Variants in SVEP1 observed in about 807,000 individuals in gnomAD.
SVEP1 encodes sushi, von Willebrand factor type A, EGF and pentraxin domain-containing protein 1.
SVEP1 carries 164 observed loss-of-function variants against 367.3 expected under a neutral mutation model. The ratio of observed to expected loss-of-function variants is 0.45; its 90% CI spans 0.39 to 0.51. The LOEUF (loss-of-function observed/expected upper bound fraction) is 0.51, where lower values mean the gene tolerates loss of function less well. SVEP1 is among the 20% of genes least tolerant of loss of function. SVEP1 has a pLI of 0.00. For synonymous variants in SVEP1, 1,666 were observed against 1,611.6 expected, an observed-to-expected ratio of 1.03 and a Z score of -0.81; for missense variants, 4,117 against 4,425.3, an observed-to-expected ratio of 0.93 and a Z score of 1.98.
At chr9:110,429,650 A>G (rs1247233906) in intron 34 of SVEP1, among the ~76,000 whole-genome samples, 1 of 152,178 alleles carries the variant, frequency 6.6e-6, no homozygotes, top group African/African-American at 2.4e-5. Context: ...AAGAGTATTC[A>G]TTAGCTAGGA....
intron 45 of SVEP1, chr9:110,376,982 A>G: frequency 3.6e-6 from 1 of 276,308 alleles, no homozygotes; most frequent in Non-Finnish European, 7.0e-6. Flanking sequence ...GGAAGAGGAT[A>G]GCTTGGAGAC....
In SVEP1 at chr9:110,366,234, T is replaced by G; in HGVS notation, c.*305A>C. 3.3e-6 allele frequency: 1 copy of G among 298,536 alleles called. No homozygotes were observed. Among genetic ancestry groups the G allele is most frequent in the Non-Finnish European group, 6.1e-6 (1 of 164,728 alleles). 18.5% of individuals were successfully genotyped at this position (298,536 alleles called of 1,614,324 possible). On this transcript the variant is annotated 3_prime_UTR_variant, in exon 48 of 48. Transcript: ENST00000374469. Reference sequence around the variant, plus strand: ...ATCATTTTAAGTAACTGAATAAAAATGTGTACCAGGAACTTTCCCAATAGA... The same window carrying G: ...ATCATTTTAAGTAACTGAATAAAAAGGTGTACCAGGAACTTTCCCAATAGA...
At chr9:110,555,122 G>A (rs1267280198) in intron 1 of SVEP1, among the ~76,000 whole-genome samples, 3 of 151,672 alleles carry the variant, frequency 2.0e-5, no homozygotes, top group Non-Finnish European at 4.4e-5. Flanking sequence ...CTAAGCTTGT[G>A]CTCATTTTGA....
Position 110,434,523 on chromosome 9 carries a change from C to T in SVEP1, c.4889-17G>A. ...GTGGGCAATCTGAGGGCAAAGAACA[C>T]AGGTGCAGAGCTTGTCAGCGGCATA... On this transcript the variant is annotated splice_polypyrimidine_tract_variant and intron_variant, in intron 29 of 47. Coordinates refer to ENST00000374469, the MANE Select transcript of SVEP1 (RefSeq NM_153366.4). 4 of 1,611,024 alleles carry T rather than the reference C, an allele frequency of 2.5e-6. No individual in the cohort carries two copies. The highest frequency in any genetic ancestry group is 2.2e-5 in the South Asian group (2 of 90,722).
At chr9:110,400,299 T>G (rs546710244) in intron 40 of SVEP1, among the ~76,000 whole-genome samples, 1 of 152,198 alleles carries the variant, frequency 6.6e-6, no homozygotes, top group African/African-American at 2.4e-5. Flanking sequence ...AGCATCTGTC[T>G]TGTGGTTTGC....
At chr9:110,503,801 A>C (rs1829578144) in intron 5 of SVEP1, among the ~76,000 whole-genome samples, 1 of 152,166 alleles carries the variant, frequency 6.6e-6, no homozygotes, top group Non-Finnish European at 1.5e-5. Context: ...TGCCAATCAT[A>C]GCTCATGATA....
At chr9:110,536,033 G>A (rs1389056393) in intron 3 of SVEP1, among the ~76,000 whole-genome samples, 1 of 152,020 alleles carries the variant, frequency 6.6e-6, no homozygotes, top group Non-Finnish European at 1.5e-5. Flanking sequence ...AAGCATCCTT[G>A]TCTTAAGCCA....
At chr9:110,403,423 G>C (rs564421355) in intron 39 of SVEP1, among the ~76,000 whole-genome samples, 2 of 145,748 alleles carry the variant, frequency 1.4e-5, no homozygotes, top group South Asian at 4.3e-4. Context: ...TCCTGTCTCA[G>C]CCTCCCGAGT....
At chr9:110,398,676 GGA>G in intron 40 of SVEP1, among the ~76,000 whole-genome samples, 1 of 152,240 alleles carries the variant, frequency 6.6e-6, no homozygotes, top group East Asian at 1.9e-4. Flanking sequence ...TCAAAAAGTG[GGA>G]GAAGGATATG....
At chr9:110,501,813 T>C (rs1244658161) in intron 6 of SVEP1, among the ~76,000 whole-genome samples, 7 of 152,186 alleles carry the variant, frequency 4.6e-5, no homozygotes, top group African/African-American at 1.7e-4. Flanking sequence ...TTCTTCCAAT[T>C]TGCTATAATG....
At chr9:110,404,288 A>G (rs1200415936) in intron 39 of SVEP1, 39 bp downstream of exon 39, 1 of 1,584,610 alleles carries the variant, frequency 6.3e-7, no homozygotes, top group Admixed American at 1.7e-5. Flanking sequence ...ATATATGTAT[A>G]TGTAGGCATT....
At chr9:110,544,356 G>C (rs1280434993) in intron 3 of SVEP1, among the ~76,000 whole-genome samples, 1 of 151,958 alleles carries the variant, frequency 6.6e-6, no homozygotes, top group Admixed American at 6.6e-5. Context: ...TGGGGATACA[G>C]TTTTCCAAAA....
At chr9:110,491,590 GGT>G (rs55905097) in intron 8 of SVEP1, among the ~76,000 whole-genome samples, 2,910 of 147,810 alleles carry the variant, frequency 0.02, 49 homozygotes, top group Non-Finnish European at 0.03. Context: ...TATAGAATGG[GGT>G]GTGTGTGTGT....
At chr9:110,549,714 CAAAGGACACATGGGCATCA>C in intron 2 of SVEP1, 116 bp downstream of exon 2, 1 of 1,168,422 alleles carries the variant, frequency 8.6e-7, no homozygotes, top group South Asian at 1.6e-5. Flanking sequence ...TCATGATGCC[CAAAGGACACATGGGCATCA>C]TATTCAGCAA....
At chr9:110,426,964 C>A (rs373656000) in intron 36 of SVEP1, among the ~76,000 whole-genome samples, 20 of 152,056 alleles carry the variant, frequency 1.3e-4, no homozygotes, top group African/African-American at 4.1e-4. Flanking sequence ...TTTGGTTTTG[C>A]AGAATATAAA....
intron 1 of SVEP1, 91 bp downstream of exon 1, chr9:110,578,922 A>C (rs1472987807): frequency 7.0e-7 from 1 of 1,423,194 alleles, no homozygotes; most frequent in African/African-American, 1.4e-5. Context: ...TGCCTTGCCC[A>C]GGACTGAACC....
chr9:110,549,817 G>A (rs906190937), intron 2 of SVEP1, 32 bp downstream of exon 2: 3 of 1,609,320 alleles, frequency 1.9e-6, no homozygotes, highest in Admixed American at 3.4e-5. Flanking sequence ...TCATTTAAAA[G>A]TACCTTTGTG....
intron 44 of SVEP1, among the ~76,000 whole-genome samples, chr9:110,378,909 T>TAA (rs35912753): frequency 6.9e-6 from 1 of 145,476 alleles, no homozygotes. Flanking sequence ...CTTAAAGTAT[T>TAA]AAAAAAAAAA....
At position 110,434,427 on chromosome 9, in the gene SVEP1, C is replaced by G. The variant is rs1034471055; in HGVS notation, c.4968G>C (p.Leu1656=). Residue 1656 remains leucine, a synonymous_variant, in exon 30 of 48, where the codon CTG becomes CTC. Coordinates refer to ENST00000374469, the MANE Select transcript of SVEP1 (RefSeq NM_153366.4). ...CCAGCTGGAAGCCTGGATCACAGAA[C>G]AGATTGACTTTGGAACCTGGCTTTA... The part of the protein sequence containing the change: ...EDLKPGSKVN[L]FCDPGFQLVG... The G allele has an allele frequency of 6.2e-7, 1 of 1,613,534 alleles. No individual in the cohort carries two copies. Among genetic ancestry groups the G allele is most frequent in the South Asian group, 1.1e-5 (1 of 90,990 alleles).
Sources: allele counts gnomAD v4.1 joint callset (sites outside exome capture counted in the v4.1 genomes callset), GRCh38; gene constraint gnomAD v4.1.1; transcripts MANE v1.5; gene names NCBI Gene and HGNC (gene_info 2026-07-23, HGNC 2026-07-21).